The following PREPL variants were observed in gnomAD, a reference collection of about 807,000 sequenced individuals.
The protein encoded by PREPL is prolyl endopeptidase-like.
A neutral mutation model predicts 70.6 loss-of-function variants in PREPL; 77 were observed. The ratio of observed to expected loss-of-function variants is 1.09; its 90% CI spans 0.91 to 1.32. The LOEUF is 1.32. Ranked by LOEUF, PREPL falls within the 40% of genes most tolerant of loss-of-function variation. The pLI is 0.00. For missense variants in PREPL, 1,002 were observed against 778.2 expected (o/e 1.29, Z -3.42); for synonymous variants, 315 against 264.8 (o/e 1.19, Z -1.84).
chr2:44,352,443 G>A (rs908723682), intron 1 of PREPL, among the ~76,000 whole-genome samples: 6 of 152,050 alleles, frequency 3.9e-5, no homozygotes, highest in African/African-American at 4.8e-5. Context: ...TGCATTGTTT[G>A]TAGAGACAGG....
At chr2:44,324,829 G>A (rs1673331365) in intron 10 of PREPL, among the ~76,000 whole-genome samples, 1 of 152,154 alleles carries the variant, frequency 6.6e-6, no homozygotes, top group South Asian at 2.1e-4. Context: ...CGAGGCTGTA[G>A]TGAGCTGTGT....
intron 1 of PREPL, among the ~76,000 whole-genome samples, chr2:44,350,431 G>T (rs569998818): frequency 8.5e-5 from 13 of 152,170 alleles, no homozygotes; most frequent in Middle Eastern, 3.4e-3. Context: ...GGAATAGAGA[G>T]GAACTTCCTT....
At chr2:44,354,101 A>G (rs1041710350) in intron 1 of PREPL, among the ~76,000 whole-genome samples, 3 of 152,128 alleles carry the variant, frequency 2.0e-5, no homozygotes, top group African/African-American at 7.2e-5. Flanking sequence ...GGCTGCAGTA[A>G]GCCATGTTTG....
At chr2:44,327,043 G>T in intron 9 of PREPL, 115 bp from the exon 10 acceptor site, 1 of 869,106 alleles carries the variant, frequency 1.2e-6, no homozygotes. Flanking sequence ...GCTAAGACTG[G>T]TTTTTGCTTT....
chr2:44,355,751 T>TTATA (rs112927329), intron 1 of PREPL, among the ~76,000 whole-genome samples: 4,040 of 141,148 alleles, frequency 0.029, 106 homozygotes, highest in East Asian at 0.1. Flanking sequence ...AAACTACATA[T>TTATA]TATATATATA....
chr2:44,354,723 C>A (rs970022234), intron 1 of PREPL, among the ~76,000 whole-genome samples: 2 of 152,120 alleles, frequency 1.3e-5, no homozygotes, highest in Non-Finnish European at 2.9e-5. Flanking sequence ...TACAGGCATG[C>A]GCCACCAGGC....
intron 10 of PREPL, among the ~76,000 whole-genome samples, chr2:44,324,439 TACAC>T (rs1673291351): frequency 6.6e-6 from 1 of 152,026 alleles, no homozygotes; most frequent in Non-Finnish European, 1.5e-5. Context: ...ATGAAAAAAA[TACAC>T]AAGGAATAAA....
intron 10 of PREPL, among the ~76,000 whole-genome samples, chr2:44,325,382 T>C (rs896363158): frequency 1.3e-5 from 2 of 152,210 alleles, no homozygotes; most frequent in Non-Finnish European, 2.9e-5. Flanking sequence ...CAGTAATAGT[T>C]TCATTGGGCC....
At chr2:44,322,379 C>T (rs558704685) in intron 12 of PREPL, among the ~76,000 whole-genome samples, 1 of 152,320 alleles carries the variant, frequency 6.6e-6, no homozygotes, top group African/African-American at 2.4e-5. Context: ...ACAAAAATCT[C>T]AGAATCTGTC....
At chr2:44,359,911 C>A in intron 1 of PREPL, 1 of 543,872 alleles carries the variant, frequency 1.8e-6, no homozygotes, top group Non-Finnish European at 3.2e-6. Flanking sequence ...AATCTAAAAA[C>A]CTGTGTAAGT....
intron 7 of PREPL, among the ~76,000 whole-genome samples, chr2:44,336,554 G>C (rs1212785077): frequency 6.6e-6 from 1 of 152,086 alleles, no homozygotes; most frequent in Non-Finnish European, 1.5e-5. Context: ...AGGAGGGTGA[G>C]GATTGAAAAA....
Position 44,328,919 on chromosome 2 carries a change from T to C in PREPL, c.1262+18A>G, listed in dbSNP as rs1423411588. 3 of 1,603,582 alleles carry C rather than the reference T, an allele frequency of 1.9e-6. No homozygotes were observed. Among genetic ancestry groups the C allele is most frequent in the African/African-American group, 1.3e-5 (1 of 74,582 alleles). On this transcript the variant is annotated intron_variant, in intron 9 of 13. Coordinates refer to ENST00000409411, the MANE Select transcript of PREPL (RefSeq NM_001171613.2). ...AATGGTCTAGCACTTACATGCCAGG[T>C]AAAATATACTGACTCACCGAACATG...
Position 44,322,790 on chromosome 2 carries a change from AC to A in PREPL, c.1693del (p.Val565Ter), listed in dbSNP as rs775882580. On this transcript the variant is annotated frameshift_variant, in exon 12 of 14. Transcript: ENST00000409411. LOFTEE classifies it high-confidence loss of function. The part of the protein sequence containing the change: ...NDERVPLKGI[V>X]SYTEKLKEAI... ...TTCCTTGAGTTTCTCAGTATAACTT[AC>A]AATTCCTTTCAGAGGTACCCGTTCA... The A allele has an allele frequency of 1.2e-6, 2 of 1,613,848 alleles. No individual in the cohort carries two copies. The highest frequency in any genetic ancestry group is 2.7e-5 in the African/African-American group (2 of 74,908).
Position 44,319,020 on chromosome 2 carries a change from GT to G in PREPL, c.*2335del, listed in dbSNP as rs1672691572. ...CTAACACTTACCGGGCACTTCTTAT[GT>G]GAGTGGCACTGAAACATGTGCTTTC... On this transcript the variant is annotated 3_prime_UTR_variant, in exon 14 of 14. Transcript: ENST00000409411. The G allele has an allele frequency of 6.6e-6, 1 of 152,210 alleles. No homozygotes were observed. The highest frequency in any genetic ancestry group is 1.5e-5 in the Non-Finnish European group (1 of 68,046). 9.4% of individuals were successfully genotyped at this position (152,210 alleles called of 1,614,324 possible).
At position 44,343,952 on chromosome 2, in the gene PREPL, C is replaced by A. The variant is rs1164896352; in HGVS notation, c.143-1G>T. ...AAAACTTCATAATTATCATTGTCTG[C>A]TGTATAAAGAAAAATACGAAAGTGA... On this transcript the variant is annotated splice_acceptor_variant, in intron 3 of 13. Coordinates refer to ENST00000409411, the MANE Select transcript of PREPL (RefSeq NM_001171613.2). LOFTEE classifies it high-confidence loss of function. 1.2e-6 allele frequency: 2 copies of A among 1,612,266 alleles called. No individual in the cohort carries two copies. The highest frequency in any genetic ancestry group is 1.7e-5 in the Admixed American group (1 of 59,656).
chr2:44,333,080 C>T (rs914682354), intron 7 of PREPL, among the ~76,000 whole-genome samples: 2 of 152,124 alleles, frequency 1.3e-5, no homozygotes, highest in Non-Finnish European at 2.9e-5. Flanking sequence ...TCATAATTTA[C>T]CCACTAGTCC....
chr2:44,321,920 GA>G lies in PREPL; in HGVS notation c.1754-21del. On this transcript the variant is annotated intron_variant, in intron 12 of 13. Transcript: ENST00000409411. ...GATAGCCTGGAAGAGTTAACATGTA[GA>G]ACAATTAGAAGATTGTATGGGATCT... The G allele has an allele frequency of 6.2e-7, 1 of 1,605,110 alleles. No homozygotes were observed. The highest frequency in any genetic ancestry group is 8.5e-7 in the Non-Finnish European group (1 of 1,174,782).
At chr2:44,321,510 T>C (rs1672941715) in intron 13 of PREPL, 65 bp from the exon 14 acceptor site, 2 of 1,572,002 alleles carry the variant, frequency 1.3e-6, no homozygotes, top group Admixed American at 3.7e-5. Flanking sequence ...CTGTTTAAGC[T>C]TCTCTTTATC....
chr2:44,356,139 A>G (rs1677018650), intron 1 of PREPL: 2 of 152,346 alleles, frequency 1.3e-5, no homozygotes, highest in Non-Finnish European at 2.9e-5. Flanking sequence ...AATGAATTCA[A>G]TAAGGTTTAG....
Sources: gnomAD v4.1 joint callset for allele counts (sites outside exome capture counted in the v4.1 genomes callset) on GRCh38, gnomAD v4.1.1 for gene constraint, MANE v1.5 for transcripts, NCBI Gene and HGNC (gene_info 2026-07-23, HGNC 2026-07-21) for gene names.